The following EPHA3 variants were observed in gnomAD, a reference collection of about 807,000 sequenced individuals.
EPHA3 encodes EPH receptor A3.
Under a neutral mutation model 107.1 loss-of-function variants are expected in EPHA3, and 42 were observed. That is an observed-to-expected ratio of 0.39 (90% CI 0.31 to 0.51). The LOEUF (loss-of-function observed/expected upper bound fraction) is 0.51. Among genes scored for constraint, EPHA3 ranks in the 20% least tolerant of loss-of-function variants. The pLI is 0.78. For missense variants in EPHA3, 1,183 were observed against 1,211.2 expected (o/e 0.98, Z 0.35); for synonymous variants, 461 against 424.8 (o/e 1.09, Z -1.05).
intron 15 of EPHA3, among the ~76,000 whole-genome samples, chr3:89,452,183 T>C (rs993499912): frequency 6.6e-6 from 1 of 152,184 alleles, no homozygotes; most frequent in Non-Finnish European, 1.5e-5. Context: ...TATAGATATC[T>C]CTTTGAAATA....
intron 3 of EPHA3, among the ~76,000 whole-genome samples, chr3:89,309,718 AC>A (rs1341892106): frequency 1.3e-5 from 2 of 152,080 alleles, no homozygotes; most frequent in African/African-American, 4.8e-5. Flanking sequence ...TTCAGGCCAA[AC>A]CTATGTTCCC....
At chr3:89,217,718 G>A (rs1408663811) in intron 3 of EPHA3, among the ~76,000 whole-genome samples, 1 of 152,128 alleles carries the variant, frequency 6.6e-6, no homozygotes, top group African/African-American at 2.4e-5. Flanking sequence ...CTATTCAATG[G>A]TCAGTTGCAA....
At chr3:89,278,315 G>T (rs1467722214) in intron 3 of EPHA3, among the ~76,000 whole-genome samples, 1 of 152,176 alleles carries the variant, frequency 6.6e-6, no homozygotes, top group East Asian at 1.9e-4. Context: ...CTAGAAGCAG[G>T]TCTCTGCCCT....
intron 7 of EPHA3, among the ~76,000 whole-genome samples, chr3:89,405,578 A>G (rs1057310899): frequency 1.4e-4 from 21 of 152,180 alleles, no homozygotes. Flanking sequence ...CTAACAACCT[A>G]TCTGTCACGT....
intron 3 of EPHA3, among the ~76,000 whole-genome samples, chr3:89,326,351 C>A (rs1707166437): frequency 6.6e-6 from 1 of 152,072 alleles, no homozygotes; most frequent in African/African-American, 2.4e-5. Flanking sequence ...ATTTAGGGAA[C>A]AATGGCAAGA....
chr3:89,200,980 T>C (rs1266240848), intron 2 of EPHA3, among the ~76,000 whole-genome samples: 3 of 149,128 alleles, frequency 2.0e-5, no homozygotes, highest in Non-Finnish European at 4.4e-5. Flanking sequence ...TGAACTGGAA[T>C]AAGCAGGTGT....
chr3:89,424,451 A>G (rs188628687), intron 11 of EPHA3, among the ~76,000 whole-genome samples: 57 of 151,516 alleles, frequency 3.8e-4, no homozygotes, highest in Admixed American at 8.6e-4. Context: ...CTTTAAAAGC[A>G]TTTCTTTTCG....
chr3:89,467,670 G>A (rs1419386768), intron 15 of EPHA3, among the ~76,000 whole-genome samples: 1 of 152,074 alleles, frequency 6.6e-6, no homozygotes, highest in African/African-American at 2.4e-5. Context: ...GAATTGATGG[G>A]AAGAAAATAT....
intron 9 of EPHA3, among the ~76,000 whole-genome samples, chr3:89,412,464 C>A (rs1316191764): frequency 4.6e-5 from 7 of 151,386 alleles, no homozygotes; most frequent in African/African-American, 1.7e-4. Flanking sequence ...TAAAGCTATA[C>A]AATATGATTA....
intron 2 of EPHA3, among the ~76,000 whole-genome samples, chr3:89,143,614 C>T (rs9854754): frequency 0.23 from 35,208 of 151,320 alleles, 4,228 homozygotes; most frequent in Middle Eastern, 0.33. Flanking sequence ...TTTAGATATA[C>T]GGAAAAGTTG....
chr3:89,232,656 AAT>A (rs1704664871), intron 3 of EPHA3, among the ~76,000 whole-genome samples: 1 of 152,202 alleles, frequency 6.6e-6, no homozygotes, highest in South Asian at 2.1e-4. Context: ...GCCACTTCTT[AAT>A]TTTATGCCAG....
chr3:89,255,671 C>A (rs899862226), intron 3 of EPHA3, among the ~76,000 whole-genome samples: 10 of 151,988 alleles, frequency 6.6e-5, no homozygotes, highest in African/African-American at 2.4e-4. Context: ...GAGGCCAAGG[C>A]AGGTGGATTG....
intron 3 of EPHA3, among the ~76,000 whole-genome samples, chr3:89,307,736 A>T (rs1315941028): frequency 6.6e-6 from 1 of 152,074 alleles, no homozygotes; most frequent in Non-Finnish European, 1.5e-5. Flanking sequence ...ATTTTTTTGC[A>T]GAGACAGGGT....
intron 3 of EPHA3, among the ~76,000 whole-genome samples, chr3:89,330,590 T>G (rs1432403251): frequency 6.6e-6 from 1 of 152,106 alleles, no homozygotes; most frequent in African/African-American, 2.4e-5. Context: ...TAAAATAAAT[T>G]TATCTAAACA....
chr3:89,207,182 C>A (rs1459342468), intron 2 of EPHA3, among the ~76,000 whole-genome samples: 1 of 152,112 alleles, frequency 6.6e-6, no homozygotes, highest in Non-Finnish European at 1.5e-5. Flanking sequence ...CCTAATGAGG[C>A]TTAAAGGCCA....
chr3:89,135,320 C>T (rs1704288419), intron 2 of EPHA3, among the ~76,000 whole-genome samples: 1 of 152,134 alleles, frequency 6.6e-6, no homozygotes, highest in South Asian at 2.1e-4. Flanking sequence ...TACAATTATA[C>T]ATTAATGCAA....
intron 3 of EPHA3, among the ~76,000 whole-genome samples, chr3:89,220,430 AG>A (rs1704345438): frequency 6.6e-6 from 1 of 152,202 alleles, no homozygotes; most frequent in African/African-American, 2.4e-5. Flanking sequence ...GAAAGAAGAA[AG>A]ATTTCAGGAA....
At position 89,170,259 on chromosome 3, in the gene EPHA3, A is replaced by G. The variant is rs528445565; in HGVS notation, c.154-39601A>G. ...CGACAGAGAGAGACTCCGTATCAGAAAAAAAAAAAAAAGAGATTATAGCCT... is the reference window on the plus strand; with the variant it reads ...CGACAGAGAGAGACTCCGTATCAGAGAAAAAAAAAAAAGAGATTATAGCCT... On this transcript the variant is annotated intron_variant, in intron 2 of 16. Coordinates refer to ENST00000336596, the MANE Select transcript of EPHA3 (RefSeq NM_005233.6). Among the ~76,000 whole-genome samples the G allele has an allele frequency of 1.4e-3, 211 of 148,754 alleles. 2 individuals carry two copies. Among genetic ancestry groups the G allele is most frequent in the Middle Eastern group, 6.9e-3 (2 of 288 alleles).
chr3:89,211,564 T>A (rs1247971969), intron 3 of EPHA3, among the ~76,000 whole-genome samples: 1 of 152,130 alleles, frequency 6.6e-6, no homozygotes, highest in Non-Finnish European at 1.5e-5. Context: ...TAAATGAGAC[T>A]ACTTTGCATA....
Sources: gnomAD v4.1 joint callset for allele counts (sites outside exome capture counted in the v4.1 genomes callset) on GRCh38, gnomAD v4.1.1 for gene constraint, MANE v1.5 for transcripts, NCBI Gene and HGNC (gene_info 2026-07-23, HGNC 2026-07-21) for gene names.